Variants in SNX25 observed in about 807,000 individuals in gnomAD.
The protein encoded by SNX25 is sorting nexin 25.
Under a neutral mutation model 113.7 loss-of-function variants are expected in SNX25, and 62 were observed. The observed-to-expected ratio is 0.55, with a 90% CI of 0.44 to 0.67. The LOEUF is 0.67. SNX25 is among the 30% of genes least tolerant of loss of function. SNX25 has a pLI of 0.00. For missense variants in SNX25, 1,014 were observed against 1,161.0 expected (o/e 0.87, Z 1.84); for synonymous variants, 421 against 436.2 (o/e 0.97, Z 0.43).
At chr4:185,312,804 C>T (rs1352767938) in intron 7 of SNX25, among the ~76,000 whole-genome samples, 6 of 152,120 alleles carry the variant, frequency 3.9e-5, no homozygotes, top group African/African-American at 1.4e-4. Flanking sequence ...GGATTACAGG[C>T]GTGAGCCACT....
At chr4:185,267,523 G>C (rs1485457023) in intron 5 of SNX25, among the ~76,000 whole-genome samples, 1 of 152,066 alleles carries the variant, frequency 6.6e-6, no homozygotes, top group East Asian at 1.9e-4. Flanking sequence ...TTGAGGTCAG[G>C]AGTTCAAGAC....
At chr4:185,254,527 CTCTT>C (rs1746120938) in intron 2 of SNX25, among the ~76,000 whole-genome samples, 1 of 152,164 alleles carries the variant, frequency 6.6e-6, no homozygotes, top group Admixed American at 6.5e-5. Context: ...TCTTGAAGCT[CTCTT>C]TCTTATACTG....
chr4:185,214,570 A>T (rs1738466245), intron 1 of SNX25, among the ~76,000 whole-genome samples: 1 of 152,020 alleles, frequency 6.6e-6, no homozygotes, highest in Non-Finnish European at 1.5e-5. Context: ...GAGACCCTGT[A>T]CCTTAAAAAA....
intron 1 of SNX25, among the ~76,000 whole-genome samples, chr4:185,213,767 A>G (rs1459230750): frequency 6.6e-6 from 1 of 152,238 alleles, no homozygotes; most frequent in African/African-American, 2.4e-5. Context: ...AAAACTTACT[A>G]TCATCATAAG....
intron 1 of SNX25, among the ~76,000 whole-genome samples, chr4:185,228,240 A>G (rs1741309469): frequency 6.6e-6 from 1 of 152,114 alleles, no homozygotes. Flanking sequence ...AGGGAGAGAT[A>G]TTTAAGCACA....
intron 5 of SNX25, among the ~76,000 whole-genome samples, chr4:185,278,330 CAGACAGA>C (rs1750050733): frequency 6.6e-6 from 1 of 152,248 alleles, no homozygotes; most frequent in Non-Finnish European, 1.5e-5. Context: ...GCTCAAGAGT[CAGACAGA>C]CCTGGACTTA....
chr4:185,321,983 C>T (rs182476575), intron 8 of SNX25, among the ~76,000 whole-genome samples: 33 of 152,264 alleles, frequency 2.2e-4, no homozygotes, highest in Admixed American at 1.8e-3. Flanking sequence ...TGAATGTCCT[C>T]GGATTTTGGT....
rs147732571 is a variant in SNX25 at position 185,286,598 on chromosome 4, A to G, written c.1092-1414A>G. On this transcript the variant is annotated intron_variant, in intron 5 of 18. Transcript: ENST00000652585. Reference sequence around the variant, plus strand: ...GTGACTCCTGCCTGTCTCCAAGGCTAGAATGGTATCACCTGGCCATCTCTG... The same window carrying G: ...GTGACTCCTGCCTGTCTCCAAGGCTGGAATGGTATCACCTGGCCATCTCTG... Among the ~76,000 whole-genome samples, 247 of 152,362 alleles carry G rather than the reference A, an allele frequency of 1.6e-3. 2 individuals are homozygous for G. Among genetic ancestry groups the G allele is most frequent in the Admixed American group, 0.015 (231 of 15,308 alleles).
intron 6 of SNX25, among the ~76,000 whole-genome samples, chr4:185,291,588 G>A (rs1371955427): frequency 6.6e-6 from 1 of 152,196 alleles, no homozygotes; most frequent in Non-Finnish European, 1.5e-5. Flanking sequence ...CAAGGCTTTG[G>A]CAGGGCCACG....
chr4:185,341,551 T>A (rs2095259939), intron 11 of SNX25, among the ~76,000 whole-genome samples: 1 of 152,234 alleles, frequency 6.6e-6, no homozygotes, highest in Non-Finnish European at 1.5e-5. Context: ...GCTGATTGTA[T>A]CACAGGCCGA....
chr4:185,342,941 A>G (rs1561035422), intron 12 of SNX25, among the ~76,000 whole-genome samples: 1 of 152,004 alleles, frequency 6.6e-6, no homozygotes, highest in Admixed American at 6.6e-5. Flanking sequence ...CCCAGGCTGG[A>G]GTCCAGTGGC....
intron 1 of SNX25, among the ~76,000 whole-genome samples, chr4:185,244,906 C>A (rs1019541566): frequency 9.2e-5 from 14 of 151,980 alleles, no homozygotes; most frequent in African/African-American, 3.1e-4. Context: ...GGATGACATC[C>A]TTGGCACTTG....
At chr4:185,288,733 C>G (rs556594938) in intron 6 of SNX25, among the ~76,000 whole-genome samples, 1 of 152,120 alleles carries the variant, frequency 6.6e-6, no homozygotes. Context: ...GAGGATGGCT[C>G]TCAACTCCCT....
chr4:185,245,825 T>C (rs1744786974), intron 1 of SNX25, among the ~76,000 whole-genome samples: 1 of 152,242 alleles, frequency 6.6e-6, no homozygotes, highest in Non-Finnish European at 1.5e-5. Flanking sequence ...TTCTTTTTAA[T>C]GGTATACCAA....
At chr4:185,269,280 ACT>A (rs1748578787) in intron 5 of SNX25, among the ~76,000 whole-genome samples, 1 of 151,406 alleles carries the variant, frequency 6.6e-6, no homozygotes, top group Admixed American at 6.6e-5. Context: ...CACACCCCAA[ACT>A]CTAGTTGTAG....
intron 10 of SNX25, among the ~76,000 whole-genome samples, chr4:185,335,110 A>G (rs891411933): frequency 1.3e-5 from 2 of 152,206 alleles, no homozygotes; most frequent in Non-Finnish European, 1.5e-5. Context: ...ACCTGAGGTC[A>G]GAAGTTTGAG....
At chr4:185,263,897 A>G (rs1187329277) in intron 3 of SNX25, among the ~76,000 whole-genome samples, 1 of 152,184 alleles carries the variant, frequency 6.6e-6, no homozygotes, top group Non-Finnish European at 1.5e-5. Flanking sequence ...GAAGTGCACA[A>G]CCAAGGTTGT....
chr4:185,258,698 A>T (rs1356278846), intron 2 of SNX25, 150 bp from the exon 3 acceptor site: 2 of 635,740 alleles, frequency 3.1e-6, no homozygotes, highest in African/African-American at 1.8e-5. Flanking sequence ...GTTTTAAAAG[A>T]CTTAGGAATT....
rs1311441195 is a variant in SNX25, at chr4:185,310,665, T to A, written c.1193T>A (p.Leu398His). 6.2e-7 allele frequency: 1 copy of A among 1,613,318 alleles called. No individual in the cohort carries two copies. The highest frequency in any genetic ancestry group is 2.2e-5 in the East Asian group (1 of 44,858). The change falls in exon 7 of 19, where the codon CTC (leucine) becomes CAC (histidine). Residue 398 changes from leucine (L) to histidine (H), a missense_variant. Leu to His is a moderately conservative substitution (Grantham distance 99, BLOSUM62 -3). Coordinates refer to ENST00000652585, the MANE Select transcript of SNX25 (RefSeq NM_001378034.2). ...GKETAAMKAD[L>H]LRARNMKRYI... Reference sequence around the variant, plus strand: ...GAAACTGCGGCAATGAAAGCTGATCTCCTGAGGGCCAGGAACATGAAGAGG... The same window carrying A: ...GAAACTGCGGCAATGAAAGCTGATCACCTGAGGGCCAGGAACATGAAGAGG...
Sources: allele counts gnomAD v4.1 joint callset (sites outside exome capture counted in the v4.1 genomes callset), GRCh38; gene constraint gnomAD v4.1.1; transcripts MANE v1.5; gene names NCBI Gene and HGNC (gene_info 2026-07-23, HGNC 2026-07-21).